Variants in CNNM2 observed in about 807,000 individuals in gnomAD.
CNNM2 encodes cyclin and CBS domain divalent metal cation transport mediator 2.
A neutral mutation model predicts 66.9 loss-of-function variants in CNNM2; 12 were observed. The ratio of observed to expected loss-of-function variants is 0.18; its 90% CI spans 0.11 to 0.29. CNNM2 has a LOEUF of 0.29. CNNM2 is among the 10% of genes least tolerant of loss of function. The pLI, the probability that CNNM2 is intolerant of heterozygous loss-of-function variation, is 1.00. For synonymous variants in CNNM2, 557 were observed against 501.8 expected (o/e 1.11, Z -1.47); for missense variants, 705 against 1,167.7 (o/e 0.60, Z 5.77).
In CNNM2 at chr10:103,085,784, C is replaced by G. The variant is rs2065800047; in HGVS notation, c.*8604C>G. 6.6e-6 allele frequency: 1 copy of G among 152,094 alleles called. No homozygotes were observed. The highest frequency in any genetic ancestry group is 2.4e-5 in the African/African-American group (1 of 41,420). 9.4% of individuals were successfully genotyped at this position (152,094 alleles called of 1,614,324 possible). A position where few individuals can be genotyped will look rare whatever the true frequency, so the allele number is the denominator to read the frequency against. Reference sequence around the variant, plus strand: ...GTGTTAAAGCTCTACAGAGAAACTTCTGTATATATTTTATTTTTGAGATCA... The same window carrying G: ...GTGTTAAAGCTCTACAGAGAAACTTGTGTATATATTTTATTTTTGAGATCA... On this transcript the variant is annotated 3_prime_UTR_variant, in exon 8 of 8. Coordinates refer to ENST00000369878, the MANE Select transcript of CNNM2 (RefSeq NM_017649.5).
intron 1 of CNNM2, among the ~76,000 whole-genome samples, chr10:102,985,357 T>C (rs1017428527): frequency 6.6e-6 from 1 of 152,172 alleles, no homozygotes; most frequent in Non-Finnish European, 1.5e-5. Flanking sequence ...AATTTTAAAA[T>C]TTTAAAATTC....
At chr10:102,974,775 A>G (rs1373952989) in intron 1 of CNNM2, among the ~76,000 whole-genome samples, 1 of 152,120 alleles carries the variant, frequency 6.6e-6, no homozygotes, top group African/African-American at 2.4e-5. Flanking sequence ...GGGCTCAAGC[A>G]GTCCTCCCGC....
intron 1 of CNNM2, among the ~76,000 whole-genome samples, chr10:102,994,227 G>A (rs867068052): frequency 6.6e-6 from 1 of 152,156 alleles, no homozygotes; most frequent in Non-Finnish European, 1.5e-5. Context: ...GTGAGCTACC[G>A]CACCCGGCTC....
intron 1 of CNNM2, among the ~76,000 whole-genome samples, chr10:102,931,518 C>CG (rs1395201778): frequency 6.6e-6 from 1 of 151,954 alleles, no homozygotes; most frequent in Non-Finnish European, 1.5e-5. Context: ...CCACCACGGC[C>CG]GGCTAATTTT....
At chr10:102,981,357 A>AC (rs1441583870) in intron 1 of CNNM2, among the ~76,000 whole-genome samples, 4 of 151,234 alleles carry the variant, frequency 2.6e-5, no homozygotes, top group African/African-American at 9.7e-5. Context: ...TCAAAAAAAA[A>AC]CCCCAAAACA....
chr10:102,930,686 A>G (rs1846033245), intron 1 of CNNM2, among the ~76,000 whole-genome samples: 1 of 152,214 alleles, frequency 6.6e-6, no homozygotes, highest in African/African-American at 2.4e-5. Context: ...AAGAAACTCC[A>G]TACCTCTTTG....
chr10:102,994,581 G>A (rs906434697), intron 1 of CNNM2, among the ~76,000 whole-genome samples: 1 of 152,104 alleles, frequency 6.6e-6, no homozygotes, highest in African/African-American at 2.4e-5. Context: ...CTGCCAGTTG[G>A]GGTTTTAAAA....
At chr10:103,018,879 G>A (rs1348315609) in intron 1 of CNNM2, among the ~76,000 whole-genome samples, 6 of 150,538 alleles carry the variant, frequency 4.0e-5, no homozygotes, top group South Asian at 2.1e-4. Context: ...GGATGGTCTC[G>A]ATCTCCTGAA....
intron 1 of CNNM2, among the ~76,000 whole-genome samples, chr10:102,973,074 C>T (rs543923502): frequency 6.6e-6 from 1 of 151,944 alleles, no homozygotes; most frequent in East Asian, 1.9e-4. Context: ...TCATCTTAGT[C>T]AACTTGGAGA....
At chr10:102,976,588 G>C (rs7092815) in intron 1 of CNNM2, among the ~76,000 whole-genome samples, 1 of 143,462 alleles carries the variant, frequency 7.0e-6, no homozygotes, top group Non-Finnish European at 1.5e-5. Context: ...TGGAATTACA[G>C]GTGTGCGCCA....
chr10:103,004,578 G>A (rs867968436), intron 1 of CNNM2, among the ~76,000 whole-genome samples: 3 of 152,204 alleles, frequency 2.0e-5, no homozygotes, highest in African/African-American at 2.4e-5. Flanking sequence ...CTGAGAGTCT[G>A]CATTTGTCAG....
At chr10:102,981,570 T>G (rs1286716138) in intron 1 of CNNM2, among the ~76,000 whole-genome samples, 1 of 151,812 alleles carries the variant, frequency 6.6e-6, no homozygotes, top group Admixed American at 6.6e-5. Context: ...TTGGTATTTT[T>G]TTTTTTTAAG....
In CNNM2 at chr10:103,057,465, T is replaced by TA. The variant is rs80025082; in HGVS notation, c.2073+516dup. On this transcript the variant is annotated intron_variant, in intron 4 of 7. Coordinates refer to ENST00000369878, the MANE Select transcript of CNNM2 (RefSeq NM_017649.5). ...TGGATGACAGAGCAAAACCCTGTTT[T>TA]AAAAAAAAAAAAAAAGTTGGGGGGA... 1.5e-3 allele frequency among the ~76,000 whole-genome samples: 213 copies of TA among 141,552 alleles called. No individual in the cohort carries two copies. The highest frequency in any genetic ancestry group is 7.1e-3 in the Middle Eastern group (2 of 282). 92.9% of individuals were successfully genotyped at this position (141,552 alleles called of 152,430 possible).
chr10:103,033,696 A>G (rs1564853897), intron 1 of CNNM2, among the ~76,000 whole-genome samples: 1 of 152,076 alleles, frequency 6.6e-6, no homozygotes, highest in Non-Finnish European at 1.5e-5. Context: ...CATGTTGGCC[A>G]GGCTGGTCTC....
At chr10:102,954,886 C>CAA (rs1846977619) in intron 1 of CNNM2, among the ~76,000 whole-genome samples, 1 of 152,026 alleles carries the variant, frequency 6.6e-6, no homozygotes, top group Non-Finnish European at 1.5e-5. Context: ...TAAAAGAGGA[C>CAA]ACAAATAGAA....
rs10580172 is a variant in CNNM2, at chr10:102,962,690, C to CTGTGTGTGTGTG, written c.1621+42619_1621+42630dup. 8.5e-4 allele frequency among the ~76,000 whole-genome samples: 122 copies of CTGTGTGTGTGTG among 143,902 alleles called. No homozygotes were observed. Among genetic ancestry groups the CTGTGTGTGTGTG allele is most frequent in the Middle Eastern group, 3.5e-3 (1 of 288 alleles). The allele number at this position is 143,902 out of a possible 152,430, so 94.4% of individuals were successfully genotyped here. On this transcript the variant is annotated intron_variant, in intron 1 of 7. Transcript: ENST00000369878. ...GGGAGAATTCTCACAATATGATATA[C>CTGTGTGTGTGTG]TGTGTGTGTGTGTGTGTGTGTGTGT... is the stretch of plus-strand genomic sequence containing the variant.
At chr10:102,952,558 C>T (rs989112775) in intron 1 of CNNM2, among the ~76,000 whole-genome samples, 2 of 150,660 alleles carry the variant, frequency 1.3e-5, no homozygotes, top group African/African-American at 4.9e-5. Flanking sequence ...AGTGAGACTC[C>T]GTCTCAAAAA....
At chr10:102,997,441 T>G (rs1391159328) in intron 1 of CNNM2, among the ~76,000 whole-genome samples, 1 of 152,192 alleles carries the variant, frequency 6.6e-6, no homozygotes, top group African/African-American at 2.4e-5. Context: ...AGTTTTCTCC[T>G]GTTTTCTGTT....
In CNNM2 at chr10:103,087,904, AGTT is replaced by A. The variant is rs2065877847; in HGVS notation, c.*10725_*10727del. ...GAGACAGACAGTATATCCTTGACTA[AGTT>A]ATCAGGCTGTGTTCTCTGCTTATAA... On this transcript the variant is annotated 3_prime_UTR_variant, in exon 8 of 8. Coordinates refer to ENST00000369878, the MANE Select transcript of CNNM2 (RefSeq NM_017649.5). 6.6e-6 allele frequency: 1 copy of A among 152,232 alleles called. No homozygotes were observed. The highest frequency in any genetic ancestry group is 1.5e-5 in the Non-Finnish European group (1 of 68,032). The allele number at this position is 152,232 out of a possible 1,614,324, so 9.4% of individuals were successfully genotyped here.
Sources: allele counts gnomAD v4.1 joint callset (sites outside exome capture counted in the v4.1 genomes callset), GRCh38; gene constraint gnomAD v4.1.1; transcripts MANE v1.5; gene names NCBI Gene and HGNC (gene_info 2026-07-23, HGNC 2026-07-21).